The following MYO3B variants were observed in gnomAD, a reference collection of about 807,000 sequenced individuals.
MYO3B encodes the protein myosin-IIIb.
MYO3B carries 156 observed loss-of-function variants against 174.6 expected under a neutral mutation model. The observed-to-expected ratio is 0.89, with a 90% CI of 0.78 to 1.02. MYO3B has a LOEUF of 1.02. MYO3B is among the 50% of genes least tolerant of loss of function. The pLI is 0.00. For missense variants in MYO3B, 1,632 were observed against 1,639.4 expected (o/e 1.00, Z 0.08); for synonymous variants, 563 against 569.1 (o/e 0.99, Z 0.15).
At chr2:170,179,975 T>C (rs948546666) in intron 1 of MYO3B, among the ~76,000 whole-genome samples, 9 of 152,234 alleles carry the variant, frequency 5.9e-5, no homozygotes, top group African/African-American at 2.2e-4. Flanking sequence ...GAAAGCATTC[T>C]ATGATTTGTG....
intron 32 of MYO3B, among the ~76,000 whole-genome samples, chr2:170,624,830 GT>G: frequency 6.6e-6 from 1 of 152,212 alleles, no homozygotes; most frequent in African/African-American, 2.4e-5. Context: ...TAATCATGTG[GT>G]TTTTCTCTTT....
chr2:170,349,948 G>C (rs994251945), intron 8 of MYO3B: 1 of 152,134 alleles, frequency 6.6e-6, no homozygotes, highest in Non-Finnish European at 1.5e-5. Context: ...TGGCAAAAGT[G>C]GTCAGATACA....
At chr2:170,299,276 T>C (rs1308259582) in intron 7 of MYO3B, among the ~76,000 whole-genome samples, 2 of 152,146 alleles carry the variant, frequency 1.3e-5, no homozygotes, top group South Asian at 2.1e-4. Flanking sequence ...GACAGAGTGG[T>C]AAATAAATGC....
chr2:170,478,386 T>C (rs1420368153), intron 25 of MYO3B, among the ~76,000 whole-genome samples: 1 of 152,108 alleles, frequency 6.6e-6, no homozygotes, highest in Non-Finnish European at 1.5e-5. Flanking sequence ...TCGAGTTCCT[T>C]ACAATCCATT....
At chr2:170,342,279 C>T (rs1474303169) in intron 8 of MYO3B, 1 of 152,190 alleles carries the variant, frequency 6.6e-6, no homozygotes, top group Non-Finnish European at 1.5e-5. Context: ...TTTCTCCATA[C>T]TGGCTTTTCT....
At chr2:170,428,792 A>G (rs1468346397) in intron 22 of MYO3B, among the ~76,000 whole-genome samples, 1 of 152,240 alleles carries the variant, frequency 6.6e-6, no homozygotes, top group African/African-American at 2.4e-5. Context: ...ACGGAATGCC[A>G]TGACACACAA....
intron 9 of MYO3B, among the ~76,000 whole-genome samples, chr2:170,377,879 C>G (rs960448529): frequency 5.9e-5 from 9 of 152,158 alleles, no homozygotes; most frequent in Admixed American, 4.6e-4. Flanking sequence ...ATCTATGTCT[C>G]CATTCCTCTG....
intron 7 of MYO3B, among the ~76,000 whole-genome samples, chr2:170,328,049 C>T (rs539768548): frequency 2.0e-5 from 3 of 151,952 alleles, no homozygotes; most frequent in Admixed American, 2.0e-4. Context: ...CTACAGGCAC[C>T]TGCCACCATG....
chr2:170,479,227 T>C (rs1400733449), intron 25 of MYO3B, among the ~76,000 whole-genome samples: 1 of 150,364 alleles, frequency 6.7e-6, no homozygotes, highest in African/African-American at 2.4e-5. Context: ...GAGGTTGCAG[T>C]GAGCCAAGAT....
chr2:170,197,079 GT>G (rs1174728418), intron 1 of MYO3B, among the ~76,000 whole-genome samples: 5 of 148,782 alleles, frequency 3.4e-5, no homozygotes, highest in African/African-American at 1.2e-4. Context: ...AACTTCTCCT[GT>G]GGCCCCACCC....
chr2:170,479,595 GGT>G (rs1388593427), intron 25 of MYO3B, among the ~76,000 whole-genome samples: 1 of 143,440 alleles, frequency 7.0e-6, no homozygotes, highest in Non-Finnish European at 1.5e-5. Flanking sequence ...ATATAATAAA[GGT>G]GTATTTTATA....
chr2:170,494,275 C>T (rs1037994487), intron 25 of MYO3B, among the ~76,000 whole-genome samples: 1 of 152,158 alleles, frequency 6.6e-6, no homozygotes, highest in Non-Finnish European at 1.5e-5. Flanking sequence ...TGCAACAAAA[C>T]ATTTTAGACA....
rs762974121 is a variant in MYO3B at position 170,652,122 on chromosome 2, T to C, written c.3855T>C (p.Tyr1285=). The C allele has an allele frequency of 6.2e-7, 1 of 1,614,062 alleles. No homozygotes were observed. The highest frequency in any genetic ancestry group is 8.5e-7 in the Non-Finnish European group (1 of 1,179,990). The change falls in exon 34 of 35, where the codon TAT becomes TAC. Residue 1285 remains tyrosine (Y), a synonymous_variant. Coordinates refer to ENST00000408978, the MANE Select transcript of MYO3B (RefSeq NM_138995.5). ...YYNQLNGTLE[Y]QGSKRKPRKL... Reference sequence around the variant, plus strand: ...CCTCTCCACAGGGAACTCTAGAATATCAAGGGAGCAAGAGGAAGCCAAGAA... The same window carrying C: ...CCTCTCCACAGGGAACTCTAGAATACCAAGGGAGCAAGAGGAAGCCAAGAA...
chr2:170,474,944 C>T (rs1484672275), intron 25 of MYO3B, among the ~76,000 whole-genome samples: 2 of 151,880 alleles, frequency 1.3e-5, no homozygotes, highest in Non-Finnish European at 2.9e-5. Flanking sequence ...TGAATGTTAA[C>T]TTTGGAATAA....
chr2:170,406,804 G>A (rs2094512264), intron 21 of MYO3B, among the ~76,000 whole-genome samples: 1 of 152,134 alleles, frequency 6.6e-6, no homozygotes, highest in Non-Finnish European at 1.5e-5. Flanking sequence ...TGTAGAGAAG[G>A]AATTCTCTGA....
intron 8 of MYO3B, 22 bp from the exon 9 acceptor site, chr2:170,369,200 G>A: frequency 2.5e-6 from 4 of 1,608,992 alleles, no homozygotes; most frequent in African/African-American, 1.3e-5. Context: ...ACTTTGGATT[G>A]TTTGTTGGTT....
intron 9 of MYO3B, among the ~76,000 whole-genome samples, chr2:170,377,584 G>A (rs2105719548): frequency 6.6e-6 from 1 of 152,182 alleles, no homozygotes; most frequent in African/African-American, 2.4e-5. Flanking sequence ...GGCCCGTCCT[G>A]CTCTCCACAG....
At chr2:170,314,216 G>T (rs1347059181) in intron 7 of MYO3B, among the ~76,000 whole-genome samples, 2 of 152,158 alleles carry the variant, frequency 1.3e-5, no homozygotes, top group African/African-American at 4.8e-5. Flanking sequence ...CTTGAGCCAG[G>T]TCCTTCTTTG....
At chr2:170,523,518 T>A (rs568706128) in intron 30 of MYO3B, among the ~76,000 whole-genome samples, 3 of 152,294 alleles carry the variant, frequency 2.0e-5, no homozygotes, top group Admixed American at 2.0e-4. Context: ...ATTGTGTCAC[T>A]GGTGATGTTC....
Sources: allele counts gnomAD v4.1 joint callset (sites outside exome capture counted in the v4.1 genomes callset), GRCh38; gene constraint gnomAD v4.1.1; transcripts MANE v1.5; gene names NCBI Gene and HGNC (gene_info 2026-07-23, HGNC 2026-07-21).